DRC1: variants seen among roughly 807,000 people sequenced by gnomAD.
DRC1 encodes the protein dynein regulatory complex subunit 1.
A neutral mutation model predicts 98.7 loss-of-function variants in DRC1; 74 were observed. The observed-to-expected ratio is 0.75, with a 90% CI of 0.62 to 0.91. DRC1 has a LOEUF of 0.91. Ranked by LOEUF, DRC1 falls within the 40% of genes least tolerant of loss-of-function variation. DRC1 has a pLI of 0.00. For synonymous variants in DRC1, 336 were observed against 334.1 expected (o/e 1.01, Z -0.06); for missense variants, 875 against 886.0 (o/e 0.99, Z 0.16).
rs1464681858 is a variant in DRC1 at position 26,456,520 on chromosome 2, T to C, written c.*3T>C. On this transcript the variant is annotated 3_prime_UTR_variant, in exon 17 of 17. Transcript: ENST00000288710. ...TGTTGCGGGTACCCACAAAATGAGC[T>C]GGACCGCCAAAGGCTGATGTGTTAG... is the stretch of plus-strand genomic sequence containing the variant. The C allele has an allele frequency of 6.2e-7, 1 of 1,614,138 alleles. No homozygotes were observed. The highest frequency in any genetic ancestry group is 2.2e-5 in the East Asian group (1 of 44,882).
At chr2:26,437,552 A>G (rs969880388) in intron 7 of DRC1, among the ~76,000 whole-genome samples, 5 of 152,176 alleles carry the variant, frequency 3.3e-5, no homozygotes, top group African/African-American at 9.7e-5. Flanking sequence ...AGCATAAACC[A>G]TAGGTTGCTC....
chr2:26,410,255 T>TATTATC (rs978277521), intron 1 of DRC1, among the ~76,000 whole-genome samples: 3 of 137,128 alleles, frequency 2.2e-5, no homozygotes, highest in African/African-American at 9.0e-5. Context: ...ATATTATTAT[T>TATTATC]ATTATTATTA....
Position 26,444,293 on chromosome 2 carries a change from A to G in DRC1, c.1100A>G (p.Gln367Arg). 6.2e-7 allele frequency: 1 copy of G among 1,614,248 alleles called. No homozygotes were observed. The change falls in exon 9 of 17, where the codon CAG (glutamine) becomes CGG (arginine). Residue 367 changes from glutamine to arginine, a missense_variant. Transcript: ENST00000288710. ...ATAAAGCAGTTTCAGGAGGAGAACC[A>G]GTCTCTAACCTCGGACTACAAACGT... ...KQIKQFQEEN[Q>R]SLTSDYKRLV...
chr2:26,442,326 C>T (rs1194924049), intron 8 of DRC1, among the ~76,000 whole-genome samples: 1 of 152,214 alleles, frequency 6.6e-6, no homozygotes, highest in Non-Finnish European at 1.5e-5. Context: ...TGGACAAAAA[C>T]TTCCCACAGT....
At position 26,402,095 on chromosome 2, in the gene DRC1, A is replaced by G. The variant is rs756578362; in HGVS notation, c.106A>G (p.Ile36Val). ...CCACTCCGACAACTCTCAGGAGCGC[A>G]TCCAGGCCCGGCGCCTCCGCATCGC... ...SVHSDNSQERIQARRLRIAAR... is the reference protein window; with the variant it reads ...SVHSDNSQERVQARRLRIAAR... The change falls in exon 1 of 17, where the codon ATC becomes GTC. Residue 36 changes from isoleucine to valine, a missense_variant. Ile to Val is a conservative substitution (Grantham distance 29). Coordinates refer to ENST00000288710, the MANE Select transcript of DRC1 (RefSeq NM_145038.5). The G allele has an allele frequency of 6.2e-7, 1 of 1,612,740 alleles. No individual in the cohort carries two copies. Among genetic ancestry groups the G allele is most frequent in the Non-Finnish European group, 8.5e-7 (1 of 1,179,630 alleles).
Position 26,454,304 on chromosome 2 carries a change from T to C in DRC1, c.1920-343T>C, listed in dbSNP as rs1221848723. On this transcript the variant is annotated intron_variant, in intron 14 of 16. Coordinates refer to ENST00000288710, the MANE Select transcript of DRC1 (RefSeq NM_145038.5). This position sits in a 1 kb window ranked among gnomAD's most constrained non-coding sequence, Gnocchi z 5.2. ...AGGATCCCCCAGATTAAGGCTGTCA[T>C]GAGGGGATGGAGAGGACATGACTGA... 6.6e-6 allele frequency among the ~76,000 whole-genome samples: 1 copy of C among 152,040 alleles called. No individual in the cohort carries two copies. The highest frequency in any genetic ancestry group is 2.4e-5 in the African/African-American group (1 of 41,392).
At chr2:26,421,455 C>T (rs878889754) in intron 3 of DRC1, 55 bp downstream of exon 3, 45 of 1,481,124 alleles carry the variant, frequency 3.0e-5, no homozygotes, top group Non-Finnish European at 3.8e-5. Context: ...TCCATGGGTC[C>T]GGCAGTTCTC....
intron 1 of DRC1, among the ~76,000 whole-genome samples, chr2:26,409,832 C>T (rs191493376): frequency 3.3e-5 from 5 of 152,010 alleles, no homozygotes; most frequent in African/African-American, 1.2e-4. Context: ...TAGTTCTTGT[C>T]ATGAGTCAGT....
In DRC1 at chr2:26,424,370, G is replaced by A. The variant is rs375311743; in HGVS notation, c.456G>A (p.Glu152=). The change falls in exon 4 of 17, where the codon GAG becomes GAA. Residue 152 remains glutamate, a synonymous_variant. Coordinates refer to ENST00000288710, the MANE Select transcript of DRC1 (RefSeq NM_145038.5). The stretch of plus-strand genomic sequence containing the variant: ...GCAAGCAGAAGAGAATTCCCCAAGA[G>A]CTGTGGGAAATGCTCAATACCCAAC... ...EEGKQKRIPQ[E]LWEMLNTQQL... 7 of 1,613,788 alleles carry A rather than the reference G, an allele frequency of 4.3e-6. No homozygotes were observed. The highest frequency in any genetic ancestry group is 1.3e-5 in the African/African-American group (1 of 74,818).
intron 4 of DRC1, among the ~76,000 whole-genome samples, chr2:26,427,340 T>C (rs1663311520): frequency 6.6e-6 from 1 of 152,118 alleles, no homozygotes; most frequent in Admixed American, 6.6e-5. Context: ...GGTCTCAAAC[T>C]CCTGACCTCA....
chr2:26,452,522 ATTC>A (rs1357378119), intron 13 of DRC1, among the ~76,000 whole-genome samples: 2 of 152,332 alleles, frequency 1.3e-5, no homozygotes, highest in East Asian at 3.9e-4. Flanking sequence ...GGCCTCTGAA[ATTC>A]TTCTTCTAGG....
At chr2:26,446,524 T>A (rs1469295513) in intron 10 of DRC1, among the ~76,000 whole-genome samples, 1 of 152,186 alleles carries the variant, frequency 6.6e-6, no homozygotes, top group East Asian at 1.9e-4. Flanking sequence ...AATCATGAGT[T>A]CATTCTAATA....
intron 5 of DRC1, chr2:26,430,565 T>G (rs1187861752): frequency 3.2e-6 from 2 of 626,276 alleles, no homozygotes; most frequent in Admixed American, 4.3e-5. Context: ...TGTTGGCACA[T>G]CTCCTCTCCG....
At chr2:26,421,177 T>C in intron 2 of DRC1, 111 bp from the exon 3 acceptor site, 1 of 869,272 alleles carries the variant, frequency 1.2e-6, no homozygotes, top group South Asian at 1.8e-5. Flanking sequence ...TAGTTGCTGC[T>C]TCCTGCTTGA....
chr2:26,432,531 AAAAAGAAAGAAAG>A (rs1245964115), intron 7 of DRC1, among the ~76,000 whole-genome samples: 2 of 151,698 alleles, frequency 1.3e-5, no homozygotes, highest in African/African-American at 2.4e-5. Flanking sequence ...AGTAAGAGAG[AAAAAGAAAGAAAG>A]AAAAGAAAGA....
At position 26,451,850 on chromosome 2, in the gene DRC1, T is replaced by G. The variant is rs529320565; in HGVS notation, c.1689+1169T>G. On this transcript the variant is annotated intron_variant, in intron 13 of 16. Transcript: ENST00000288710. The stretch of plus-strand genomic sequence containing the variant: ...CAAAGTTAAGAGATGAATGACAAGC[T>G]GCAGAGAAATATTTTCAACTCATAT... Among the ~76,000 whole-genome samples, 3 of 152,312 alleles carry G rather than the reference T, an allele frequency of 2.0e-5. No individual in the cohort carries two copies. In the South Asian group the frequency reaches 6.2e-4, roughly 32 times the overall value.
chr2:26,447,205 G>A lies in DRC1; in HGVS notation c.1397-1486G>A, dbSNP rs187803180. ...CAAGATGGGCGGATCATGAGGTCAG[G>A]AGTTTGAGACCAGCCTGACCAACAT... On this transcript the variant is annotated intron_variant, in intron 10 of 16. Coordinates refer to ENST00000288710, the MANE Select transcript of DRC1 (RefSeq NM_145038.5). 8.3e-3 allele frequency among the ~76,000 whole-genome samples: 1,266 copies of A among 152,186 alleles called. 28 individuals carry two copies. The highest frequency in any genetic ancestry group is 0.078 in the South Asian group (376 of 4,810).
Position 26,429,690 on chromosome 2 carries a change from C to T in DRC1, c.603C>T (p.Cys201=), listed in dbSNP as rs773865451. Residue 201 remains cysteine (C), a synonymous_variant, in exon 5 of 17, where the codon TGC becomes TGT. Coordinates refer to ENST00000288710, the MANE Select transcript of DRC1 (RefSeq NM_145038.5). ...TGAAGAAACAGTCAGATGACATCTG[C>T]CTGCTTCTGGAGCGGATGGAAGAAC... ...KDLKKQSDDI[C]LLLERMEEQV... 3.3e-5 allele frequency: 53 copies of T among 1,613,978 alleles called. No homozygotes were observed. Among genetic ancestry groups the T allele is most frequent in the Non-Finnish European group, 4.4e-5 (52 of 1,179,996 alleles).
chr2:26,419,087 C>A (rs1663045901), intron 2 of DRC1, among the ~76,000 whole-genome samples: 1 of 151,740 alleles, frequency 6.6e-6, no homozygotes, highest in East Asian at 1.9e-4. Context: ...CGGGGTTTCA[C>A]CATGTTGTTC....
Sources: gnomAD v4.1 joint callset for allele counts (sites outside exome capture counted in the v4.1 genomes callset) on GRCh38, gnomAD v4.1.1 for gene constraint, Gnocchi (gnomAD v3.1) non-coding constraint, MANE v1.5 for transcripts, NCBI Gene and HGNC (gene_info 2026-07-23, HGNC 2026-07-21) for gene names.